The following ROBO2 variants were observed in gnomAD, a reference collection of about 807,000 sequenced individuals.
ROBO2 encodes roundabout guidance receptor 2.
ROBO2 carries 53 observed loss-of-function variants against 160.8 expected under a neutral mutation model. That is an observed-to-expected ratio of 0.33 (90% CI 0.26 to 0.41). ROBO2 has a LOEUF of 0.41. ROBO2 is among the 10% of genes least tolerant of loss of function. ROBO2 has a pLI of 1.00. For missense variants in ROBO2, 1,577 were observed against 1,722.4 expected, an observed-to-expected ratio of 0.92 and a Z score of 1.49; for synonymous variants, 664 against 611.7, an observed-to-expected ratio of 1.09 and a Z score of -1.26.
At chr3:77,475,047 C>G (rs1253004747) in intron 2 of ROBO2, among the ~76,000 whole-genome samples, 1 of 149,126 alleles carries the variant, frequency 6.7e-6, no homozygotes, top group Non-Finnish European at 1.5e-5. Flanking sequence ...GTGGAACCTG[C>G]TGAAAAGCAT....
At chr3:76,774,736 T>C (rs1327047983) in intron 2 of ROBO2, among the ~76,000 whole-genome samples, 1 of 150,740 alleles carries the variant, frequency 6.6e-6, no homozygotes, top group African/African-American at 2.4e-5. Context: ...TAAAAGGCAG[T>C]ATTTTCTGTG....
At chr3:76,716,483 G>A (rs2093381208) in intron 2 of ROBO2, among the ~76,000 whole-genome samples, 2 of 152,110 alleles carry the variant, frequency 1.3e-5, no homozygotes, top group Admixed American at 1.3e-4. Flanking sequence ...CCATGCTGAG[G>A]TTATTTAAAA....
At chr3:76,509,272 T>C (rs1159256809) in intron 2 of ROBO2, among the ~76,000 whole-genome samples, 2 of 152,260 alleles carry the variant, frequency 1.3e-5, no homozygotes, top group South Asian at 2.1e-4. Context: ...AAAGAAGATA[T>C]TCAATCACAC....
intron 7 of ROBO2, among the ~76,000 whole-genome samples, chr3:77,548,136 CACATACACAT>C (rs1162836251): frequency 6.6e-6 from 1 of 151,178 alleles, no homozygotes; most frequent in Non-Finnish European, 1.5e-5. Flanking sequence ...CACTCACATA[CACATACACAT>C]ACATACACAT....
intron 2 of ROBO2, among the ~76,000 whole-genome samples, chr3:76,089,132 C>T (rs1287022198): frequency 6.6e-6 from 1 of 151,952 alleles, no homozygotes; most frequent in Non-Finnish European, 1.5e-5. Context: ...TCAAATCTTA[C>T]ACTAAAAGAA....
intron 2 of ROBO2, among the ~76,000 whole-genome samples, chr3:76,840,672 T>C (rs1276093453): frequency 1.5e-5 from 2 of 130,820 alleles, no homozygotes; most frequent in East Asian, 4.3e-4. Flanking sequence ...TATATATATA[T>C]ATAAGATGAA....
At chr3:76,752,858 T>C (rs1340031132) in intron 2 of ROBO2, among the ~76,000 whole-genome samples, 2 of 151,928 alleles carry the variant, frequency 1.3e-5, no homozygotes, top group East Asian at 3.9e-4. Context: ...TTTGTATTTT[T>C]GTTTCTAAGT....
intron 2 of ROBO2, among the ~76,000 whole-genome samples, chr3:76,110,568 G>T (rs2070182741): frequency 6.6e-6 from 1 of 152,064 alleles, no homozygotes; most frequent in Admixed American, 6.6e-5. Flanking sequence ...AGAGTTAAAG[G>T]TTAAAACATT....
At chr3:77,447,229 A>C (rs543571244) in intron 2 of ROBO2, among the ~76,000 whole-genome samples, 3 of 152,164 alleles carry the variant, frequency 2.0e-5, no homozygotes, top group Non-Finnish European at 4.4e-5. Flanking sequence ...TTGATAGTCC[A>C]TAAATATCTG....
intron 2 of ROBO2, among the ~76,000 whole-genome samples, chr3:76,145,046 T>A (rs1175168111): frequency 6.6e-6 from 1 of 151,904 alleles, no homozygotes; most frequent in Admixed American, 6.6e-5. Context: ...ATCAAAGCAG[T>A]CATGCAATTC....
rs575762546 is a variant in ROBO2, at chr3:76,177,054, T to A, written c.109+239452T>A. Among the ~76,000 whole-genome samples the A allele has an allele frequency of 2.3e-4, 35 of 152,262 alleles. 1 individual carries two copies. Among genetic ancestry groups the A allele is most frequent in the Admixed American group, 8.5e-4 (13 of 15,272 alleles). Reference sequence around the variant, plus strand: ...ATCTTTTCAGAAAACAATAAAAAAATTGTTTTCAGTGAATGCAATTATAGC... The same window carrying A: ...ATCTTTTCAGAAAACAATAAAAAAAATGTTTTCAGTGAATGCAATTATAGC... On this transcript the variant is annotated intron_variant, in intron 2 of 26. Coordinates refer to the ROBO2 transcript ENST00000487694.
rs373333911 is a variant in ROBO2, at chr3:76,328,853, C to T, written c.109+391251C>T. On this transcript the variant is annotated intron_variant, in intron 2 of 26. Coordinates refer to the ROBO2 transcript ENST00000487694. ...CAGCCTGGGCGACAGAGCGAGACTC[C>T]GTCTCAAAACAAACAAACAAACAAA... Among the ~76,000 whole-genome samples the T allele has an allele frequency of 2.1e-4, 31 of 148,578 alleles. No individual in the cohort carries two copies. In the Middle Eastern group the frequency reaches 0.011, roughly 51 times the overall value.
At chr3:75,909,501 T>A (rs1281248946) in intron 1 of ROBO2, among the ~76,000 whole-genome samples, 1 of 152,224 alleles carries the variant, frequency 6.6e-6, no homozygotes, top group Non-Finnish European at 1.5e-5. Context: ...TGCATCTGAT[T>A]ACAGGATTCC....
chr3:77,046,498 G>T (rs771653762), intron 1 of ROBO2, among the ~76,000 whole-genome samples: 1 of 152,112 alleles, frequency 6.6e-6, no homozygotes. Flanking sequence ...GCATCTCGGA[G>T]CCATTATGAA....
At chr3:76,637,829 C>G (rs2090424491) in intron 2 of ROBO2, among the ~76,000 whole-genome samples, 1 of 152,066 alleles carries the variant, frequency 6.6e-6, no homozygotes, top group South Asian at 2.1e-4. Flanking sequence ...AGCAGTGCTG[C>G]CAAAATTCAT....
At chr3:77,249,621 A>T (rs1169273293) in intron 2 of ROBO2, among the ~76,000 whole-genome samples, 1 of 77,966 alleles carries the variant, frequency 1.3e-5, no homozygotes, top group Non-Finnish European at 3.1e-5. Context: ...TAGAAGTTAC[A>T]ACTTTTTTTT....
rs1158438281 is a variant in ROBO2 at position 76,434,816 on chromosome 3, T to A, written c.109+497214T>A. 4.0e-6 allele frequency: 6 copies of A among 1,513,492 alleles called. No homozygotes were observed. The East Asian group carries it at 1.4e-4, about 34-fold the overall frequency. The allele number at this position is 1,513,492 out of a possible 1,614,324, so 93.8% of individuals were successfully genotyped here. A position where few individuals can be genotyped will look rare whatever the true frequency, so the allele number is the denominator to read the frequency against. ...GGGAGAGCATCACACATGCCCTGAA[T>A]CATGTATCTGATGACATGAAGACTC... On this transcript the variant is annotated intron_variant, in intron 2 of 26. Transcript: ENST00000487694.
chr3:77,291,093 G>T (rs1234340793), intron 2 of ROBO2, among the ~76,000 whole-genome samples: 1 of 150,572 alleles, frequency 6.6e-6, no homozygotes, highest in Non-Finnish European at 1.5e-5. Context: ...AAAATTGACG[G>T]GTAAACGGGT....
chr3:77,143,419 C>T (rs1440701406), intron 2 of ROBO2, among the ~76,000 whole-genome samples: 1 of 151,966 alleles, frequency 6.6e-6, no homozygotes, highest in Non-Finnish European at 1.5e-5. Context: ...TGTTCTTGAA[C>T]TCTTGATCTC....
Sources: gnomAD v4.1 joint callset for allele counts (sites outside exome capture counted in the v4.1 genomes callset) on GRCh38, gnomAD v4.1.1 for gene constraint, MANE v1.5 for transcripts, NCBI Gene and HGNC (gene_info 2026-07-23, HGNC 2026-07-21) for gene names.